Variants in RTEL1 observed in about 807,000 individuals in gnomAD.
RTEL1 encodes regulator of telomere length.
Under a neutral mutation model 162.2 loss-of-function variants are expected in RTEL1, and 86 were observed. That is an observed-to-expected ratio of 0.53 (90% CI 0.45 to 0.63). RTEL1 has a LOEUF of 0.63. Among genes scored for constraint, RTEL1 ranks in the 30% least tolerant of loss-of-function variants. The probability of loss-of-function intolerance (pLI) is 0.00; values close to 1 mark genes in which losing one functional copy is unlikely to be tolerated. For synonymous variants in RTEL1, 958 were observed against 717.9 expected, an observed-to-expected ratio of 1.33 and a Z score of -5.35; for missense variants, 1,941 against 1,750.2, an observed-to-expected ratio of 1.11 and a Z score of -1.95.
intron 10 of RTEL1, 92 bp from the exon 11 acceptor site, chr20:63,678,053 C>T (rs1016663529): frequency 1.3e-4 from 196 of 1,474,368 alleles, no homozygotes; most frequent in Non-Finnish European, 1.8e-4. Flanking sequence ...TGTTGGTGTC[C>T]TTTTTTCCAT....
rs2145431731 is a variant in RTEL1 at position 63,690,328 on chromosome 20, G to A, written c.2300G>A (p.Ser767Asn). Reference sequence around the variant, plus strand: ...CCGGCCCCCCGGGCTACAGCACCCAGTGTGCGTGGAGAAGATGCTGTCAGC... The same window carrying A: ...CCGGCCCCCCGGGCTACAGCACCCAATGTGCGTGGAGAAGATGCTGTCAGC... ...PAPAPRATAP[S>N]VRGEDAVSEA... The change falls in exon 26 of 35, where the codon AGT (serine) becomes AAT (asparagine). Residue 767 changes from serine to asparagine, a missense_variant. Physicochemically the swap from Ser to Asn is conservative, Grantham distance 46 (BLOSUM62 1). Coordinates refer to ENST00000360203, the MANE Select transcript of RTEL1 (RefSeq NM_001283009.2). 6.2e-7 allele frequency: 1 copy of A among 1,610,394 alleles called. No individual in the cohort carries two copies. The highest frequency in any genetic ancestry group is 2.2e-5 in the East Asian group (1 of 44,790).
chr20:63,690,906 G>T lies in RTEL1; in HGVS notation c.2515G>T (p.Glu839Ter), dbSNP rs761454641. The T allele has an allele frequency of 6.3e-7, 1 of 1,576,916 alleles. No individual in the cohort carries two copies. The highest frequency in any genetic ancestry group is 1.2e-5 in the South Asian group (1 of 86,848). Reference protein sequence around the residue: ...QRPRGLLAALEHSEQRAGSPG... With the variant: ...QRPRGLLAAL ...GCCCAGGGGGCTGCTGGCCGCCCTG[G>T]AGCACAGCGAACAGCGGGCGGGGAG... Residue 839 changes from glutamate (E) to a stop codon, truncating the protein, a stop_gained, in exon 27 of 35, where the codon GAG becomes TAG. Coordinates refer to ENST00000360203, the MANE Select transcript of RTEL1 (RefSeq NM_001283009.2). LOFTEE classifies it high-confidence loss of function.
intron 24 of RTEL1, 26 bp from the exon 25 acceptor site, chr20:63,690,061 G>A (rs772225169): frequency 1.2e-6 from 2 of 1,605,716 alleles, no homozygotes; most frequent in Admixed American, 1.7e-5. Context: ...TGTGGGCAGG[G>A]CAGCAGGGCT....
Position 63,694,389 on chromosome 20 carries a change from C to G in RTEL1, c.3010C>G (p.Pro1004Ala). The G allele has an allele frequency of 1.9e-6, 3 of 1,610,764 alleles. No individual in the cohort carries two copies. Among genetic ancestry groups the G allele is most frequent in the Non-Finnish European group, 2.5e-6 (3 of 1,178,730 alleles). Residue 1004 changes from proline (P) to alanine (A), a missense_variant, in exon 31 of 35, where the codon CCC becomes GCC. Transcript: ENST00000360203. ...TTCATCAGGAAGAACGGCGCCGGAT[C>G]CCAAGCTGACCGTGTCCACGGCTGC... is the stretch of plus-strand genomic sequence containing the variant. ...LDPTGRTAPD[P>A]KLTVSTAAAQ...
rs538933721 is a variant in RTEL1, at chr20:63,668,239, G to T, written c.699+686G>T. Among the ~76,000 whole-genome samples, 1 of 152,328 alleles carries T rather than the reference G, an allele frequency of 6.6e-6. No individual in the cohort carries two copies. Among genetic ancestry groups the T allele is most frequent in the African/African-American group, 2.4e-5 (1 of 41,568 alleles). On this transcript the variant is annotated intron_variant, in intron 8 of 34. Coordinates refer to ENST00000360203, the MANE Select transcript of RTEL1 (RefSeq NM_001283009.2). This position sits in a 1 kb window ranked among gnomAD's most constrained non-coding sequence, Gnocchi z 4.3. ...CACACTTTTTACTTAGTGCAGGTGG[G>T]ATCACACGCCACGGGTCAATGGTTT...
intron 30 of RTEL1, 147 bp downstream of exon 30, chr20:63,693,430 C>G (rs973249929): frequency 2.2e-6 from 2 of 894,598 alleles, no homozygotes; most frequent in Non-Finnish European, 3.4e-6. Context: ...GCCTCCACCT[C>G]CACCACCAGC....
Position 63,668,802 on chromosome 20 carries a change from C to T in RTEL1, c.699+1249C>T, listed in dbSNP as rs1040435042. 6.6e-6 allele frequency among the ~76,000 whole-genome samples: 1 copy of T among 152,132 alleles called. No individual in the cohort carries two copies. The highest frequency in any genetic ancestry group is 6.5e-5 in the Admixed American group (1 of 15,270). ...TGGTAAGCCGAGTCTAACACTTTCA[C>T]GGAAACGCAGAAGATCTAAAACAGC... On this transcript the variant is annotated intron_variant, in intron 8 of 34. Transcript: ENST00000360203. The surrounding 1 kb of genome is among the most constrained non-coding windows in gnomAD (Gnocchi z 4.3).
Position 63,661,468 on chromosome 20 carries a change from C to T in RTEL1, c.273C>T (p.Asn91=), listed in dbSNP as rs779793496. 4.3e-6 allele frequency: 7 copies of T among 1,611,814 alleles called. No individual in the cohort carries two copies. The highest frequency in any genetic ancestry group is 1.1e-5 in the South Asian group (1 of 91,058). The change falls in exon 3 of 35, where the codon AAC becomes AAT. Residue 91 remains asparagine, a synonymous_variant. Coordinates refer to ENST00000360203, the MANE Select transcript of RTEL1 (RefSeq NM_001283009.2). The surrounding 1 kb of genome is among the most constrained non-coding windows in gnomAD (Gnocchi z 5.1). ...ATCGGGCCTTGTCATCCTGGGGCAA[C>T]GCTGCTGCTGCTGCTGGAGACCCCA... ...FPDRALSSWG[N]AAAAAGDPIA... is the part of the protein sequence containing the mutation.
rs111556811 is a variant in RTEL1 at position 63,677,560 on chromosome 20, C to G, written c.920-585C>G. ...CCTGGGACATGGAGGTTGCAGTGAG[C>G]AGAGATGGCGCTGCTGCACCCCTGC... is the stretch of plus-strand genomic sequence containing the variant. On this transcript the variant is annotated intron_variant, in intron 10 of 34. Coordinates refer to ENST00000360203, the MANE Select transcript of RTEL1 (RefSeq NM_001283009.2). 3.4e-3 allele frequency among the ~76,000 whole-genome samples: 521 copies of G among 152,318 alleles called. 6 individuals are homozygous for G. Among genetic ancestry groups the G allele is most frequent in the African/African-American group, 0.012 (497 of 41,566 alleles).
intron 7 of RTEL1, among the ~76,000 whole-genome samples, chr20:63,667,091 G>T (rs113290954): frequency 1.3e-5 from 2 of 151,980 alleles, no homozygotes. Flanking sequence ...CGCCCACCTC[G>T]GCCTCCCAAA....
In RTEL1 at chr20:63,689,591, T is replaced by A. The variant is rs757289575; in HGVS notation, c.1968T>A (p.Val656=). The A allele has an allele frequency of 6.2e-7, 1 of 1,612,428 alleles. No homozygotes were observed. The highest frequency in any genetic ancestry group is 1.1e-5 in the South Asian group (1 of 91,058). ...LPYPPRMDPR[V]VLKMQFLDEM... ...ACCCCCCACGCATGGACCCCCGGGT[T>A]GTCCTCAAGATGCAGTTCCTGGATG... is the stretch of plus-strand genomic sequence containing the variant. The change falls in exon 23 of 35, where the codon GTT becomes GTA. Residue 656 remains valine, a synonymous_variant. Transcript: ENST00000360203.
Position 63,672,129 on chromosome 20 carries a change from G to A in RTEL1, c.700-427G>A, listed in dbSNP as rs111782186. Among the ~76,000 whole-genome samples, 34 of 152,002 alleles carry A rather than the reference G, an allele frequency of 2.2e-4. 1 individual carries two copies. The highest frequency in any genetic ancestry group is 7.0e-4 in the African/African-American group (29 of 41,418). On this transcript the variant is annotated intron_variant, in intron 8 of 34. Transcript: ENST00000360203. ...GAACTCCTGACCTCGTGATCCGCCC[G>A]CCTCGGCCTCCCAAAGTGCTGGGAT...
intron 18 of RTEL1, 32 bp from the exon 19 acceptor site, chr20:63,688,107 G>T (rs753272533): frequency 2.9e-5 from 46 of 1,612,252 alleles, no homozygotes; most frequent in Non-Finnish European, 3.6e-5. Flanking sequence ...ACTGAGGCCT[G>T]AGGTCCTGAG....
At position 63,694,845 on chromosome 20, in the gene RTEL1, G is replaced by C. The variant is rs752615042; in HGVS notation, c.3214G>C (p.Gly1072Arg). 1 of 1,612,624 alleles carries C rather than the reference G, an allele frequency of 6.2e-7. No homozygotes were observed. Among genetic ancestry groups the C allele is most frequent in the Non-Finnish European group, 8.5e-7 (1 of 1,179,846 alleles). Reference protein sequence around the residue: ...AYLADARRALGSAGCSQLLAA... With the variant: ...AYLADARRALRSAGCSQLLAA... Reference sequence around the variant, plus strand: ...CCTGGCTGATGCCCGCAGGGCCCTGGGGTCCGCGGGCTGTAGCCAACTCTT... The same window carrying C: ...CCTGGCTGATGCCCGCAGGGCCCTGCGGTCCGCGGGCTGTAGCCAACTCTT... Residue 1072 changes from glycine to arginine, a missense_variant, in exon 32 of 35, where the codon GGG becomes CGG. By Grantham distance (125) the Gly-to-Arg change is moderately radical. Transcript: ENST00000360203.
Position 63,659,374 on chromosome 20 carries a change from G to T in RTEL1, c.-29G>T. 6.4e-7 allele frequency: 1 copy of T among 1,560,466 alleles called. No individual in the cohort carries two copies. Among genetic ancestry groups the T allele is most frequent in the East Asian group, 2.2e-5 (1 of 44,576 alleles). ...CCCGAATAGCCTGCCCCTCAGCCACGCTCTGTGCCCTTCTGAGAACAGGCT... is the reference window on the plus strand; with the variant it reads ...CCCGAATAGCCTGCCCCTCAGCCACTCTCTGTGCCCTTCTGAGAACAGGCT... On this transcript the variant is annotated 5_prime_UTR_variant, in exon 2 of 35. Transcript: ENST00000360203.
At chr20:63,670,816 CAA>C (rs765965525) in intron 8 of RTEL1, among the ~76,000 whole-genome samples, 62,881 of 133,980 alleles carry the variant, frequency 0.47, 14,018 homozygotes, top group Non-Finnish European at 0.51. Context: ...GACCCCATCT[CAA>C]AAAAAAAAAA....
At chr20:63,685,732 A>G in intron 15 of RTEL1, 59 bp from the exon 16 acceptor site, 1 of 1,590,484 alleles carries the variant, frequency 6.3e-7, no homozygotes, top group East Asian at 2.3e-5. Context: ...CCTAAAAGGT[A>G]AGGGGCTGCC....
At chr20:63,692,469 C>T (rs1052126396) in intron 28 of RTEL1, 9 of 389,556 alleles carry the variant, frequency 2.3e-5, no homozygotes, top group Non-Finnish European at 3.8e-5. Context: ...GGAGCCTCAG[C>T]CGCATCCGCT....
Position 63,688,012 on chromosome 20 carries a change from C to T in RTEL1, c.1557C>T (p.Gly519=). The T allele has an allele frequency of 6.2e-7, 1 of 1,612,794 alleles. No individual in the cohort carries two copies. The highest frequency in any genetic ancestry group is 8.5e-7 in the Non-Finnish European group (1 of 1,179,986). Residue 519 remains glycine (G), a synonymous_variant, in exon 18 of 35, where the codon GGC becomes GGT. Transcript: ENST00000360203. ...TCTGGGTGGGGGTCGTCCCCAGAGGCCCCGATGGAGCCCAGTTGAGCTCCG... is the reference window on the plus strand; with the variant it reads ...TCTGGGTGGGGGTCGTCCCCAGAGGTCCCGATGGAGCCCAGTTGAGCTCCG... ...HQIWVGVVPR[G]PDGAQLSSAF... is the part of the protein sequence containing the mutation.
Sources: allele counts gnomAD v4.1 joint callset (sites outside exome capture counted in the v4.1 genomes callset), GRCh38; gene constraint gnomAD v4.1.1; non-coding constraint Gnocchi (gnomAD v3.1); transcripts MANE v1.5; gene names NCBI Gene and HGNC (gene_info 2026-07-23, HGNC 2026-07-21).